The following GALNT17 variants were observed in gnomAD, a reference collection of about 807,000 sequenced individuals.
GALNT17 encodes UDP-GalNAc:polypeptide N-acetylgalactosaminyltransferase-like 3.
A neutral mutation model predicts 63.7 loss-of-function variants in GALNT17; 29 were observed. The observed-to-expected ratio is 0.46, with a 90% CI of 0.34 to 0.62. The LOEUF (loss-of-function observed/expected upper bound fraction) is 0.62, where lower values mean the gene tolerates loss of function less well. Ranked by LOEUF, GALNT17 falls within the 20% of genes least tolerant of loss-of-function variation. GALNT17 has a pLI of 0.01. For synonymous variants in GALNT17, 305 were observed against 318.3 expected, an observed-to-expected ratio of 0.96 and a Z score of 0.45; for missense variants, 603 against 799.6, an observed-to-expected ratio of 0.75 and a Z score of 2.97.
chr7:71,679,898 CTCCCTCCCTCCCTCCT>C (rs1485316706), intron 9 of GALNT17, among the ~76,000 whole-genome samples: 64 of 88,476 alleles, frequency 7.2e-4, no homozygotes, highest in African/African-American at 2.7e-3. Flanking sequence ...CCCTCCCTCC[CTCCCTCCCTCCCTCCT>C]TCTCTCCCTT....
chr7:71,261,105 A>G (rs1015875164), intron 1 of GALNT17, among the ~76,000 whole-genome samples: 2 of 152,170 alleles, frequency 1.3e-5, no homozygotes, highest in Non-Finnish European at 2.9e-5. Flanking sequence ...TGCTCAGGCT[A>G]TACTCCGATG....
At chr7:71,236,969 G>C (rs1354024704) in intron 1 of GALNT17, among the ~76,000 whole-genome samples, 1 of 152,180 alleles carries the variant, frequency 6.6e-6, no homozygotes, top group African/African-American at 2.4e-5. Context: ...CTTTGTCTTG[G>C]TTTGTTACTG....
intron 9 of GALNT17, among the ~76,000 whole-genome samples, chr7:71,681,062 A>G (rs1473081764): frequency 1.3e-5 from 2 of 151,564 alleles, no homozygotes; most frequent in Non-Finnish European, 2.9e-5. Flanking sequence ...ACCATGTTCC[A>G]CTCAATTTTC....
At chr7:71,162,122 TC>T in intron 1 of GALNT17, among the ~76,000 whole-genome samples, 1 of 108,474 alleles carries the variant, frequency 9.2e-6, no homozygotes, top group African/African-American at 3.6e-5. Flanking sequence ...CCTCCCTCCC[TC>T]CCTTCCTTCC....
chr7:71,230,503 G>C (rs1424647772), intron 1 of GALNT17, among the ~76,000 whole-genome samples: 1 of 151,810 alleles, frequency 6.6e-6, no homozygotes, highest in African/African-American at 2.4e-5. Flanking sequence ...CCTGCCACCA[G>C]CCGACTTTCC....
intron 5 of GALNT17, among the ~76,000 whole-genome samples, chr7:71,491,053 G>A (rs1341413773): frequency 6.6e-6 from 1 of 152,048 alleles, no homozygotes; most frequent in Non-Finnish European, 1.5e-5. Context: ...AATTAGCCGG[G>A]TAGGGTGGCA....
intron 8 of GALNT17, 111 bp from the exon 9 acceptor site, chr7:71,677,099 CG>C: frequency 2.0e-6 from 2 of 1,021,168 alleles, no homozygotes; most frequent in East Asian, 4.8e-5. Flanking sequence ...CTTAGAGGCT[CG>C]TGTTGTCTTC....
chr7:71,614,688 G>C (rs1414745921), intron 6 of GALNT17, among the ~76,000 whole-genome samples: 3 of 151,098 alleles, frequency 2.0e-5, no homozygotes, highest in Non-Finnish European at 4.4e-5. Flanking sequence ...ATGGAAGGAA[G>C]GGAGGGAGGG....
Position 71,502,862 on chromosome 7 carries a change from G to A in GALNT17, c.963-68423G>A, listed in dbSNP as rs571683237. On this transcript the variant is annotated intron_variant, in intron 5 of 10. Transcript: ENST00000333538. ...ATGTGTTCCACAGCATGAAGTTGCC[G>A]AAACAGCCTCTGACTTCACCCCAGG... Among the ~76,000 whole-genome samples the A allele has an allele frequency of 6.4e-4, 98 of 152,230 alleles. 3 individuals carry two copies. Among genetic ancestry groups the A allele is most frequent in the Non-Finnish European group, 5.9e-5 (4 of 68,010 alleles).
At chr7:71,337,585 G>C (rs1791931126) in intron 2 of GALNT17, among the ~76,000 whole-genome samples, 1 of 152,058 alleles carries the variant, frequency 6.6e-6, no homozygotes, top group South Asian at 2.1e-4. Flanking sequence ...AAAGCGTGAG[G>C]CTGGCAGGGC....
intron 5 of GALNT17, among the ~76,000 whole-genome samples, chr7:71,505,815 A>G (rs1304783405): frequency 6.6e-6 from 1 of 152,212 alleles, no homozygotes; most frequent in Non-Finnish European, 1.5e-5. Context: ...GAACTTATTT[A>G]AAAAGGTGAG....
intron 5 of GALNT17, among the ~76,000 whole-genome samples, chr7:71,479,907 G>A (rs1222707632): frequency 6.6e-6 from 1 of 152,166 alleles, no homozygotes. Context: ...CTTCTTCTGT[G>A]ATCATGGCCA....
intron 9 of GALNT17, among the ~76,000 whole-genome samples, chr7:71,698,672 C>G (rs1338408794): frequency 6.6e-6 from 1 of 151,788 alleles, no homozygotes; most frequent in African/African-American, 2.4e-5. Flanking sequence ...GCAACTAATC[C>G]AAGCAAAGGC....
At chr7:71,182,208 A>G (rs1364185657) in intron 1 of GALNT17, among the ~76,000 whole-genome samples, 1 of 152,218 alleles carries the variant, frequency 6.6e-6, no homozygotes, top group Non-Finnish European at 1.5e-5. Context: ...GAGAATCACT[A>G]GTTGGCACTT....
intron 1 of GALNT17, among the ~76,000 whole-genome samples, chr7:71,277,393 T>G (rs1030818174): frequency 6.6e-6 from 1 of 152,182 alleles, no homozygotes; most frequent in Non-Finnish European, 1.5e-5. Context: ...GGATACAGCA[T>G]TCACTATTTG....
At chr7:71,581,066 A>G (rs988992727) in intron 6 of GALNT17, among the ~76,000 whole-genome samples, 1 of 152,178 alleles carries the variant, frequency 6.6e-6, no homozygotes, top group African/African-American at 2.4e-5. Flanking sequence ...GAAACGTACA[A>G]TCATGGTGGA....
chr7:71,701,898 C>CAT (rs200402254), intron 9 of GALNT17, among the ~76,000 whole-genome samples: 1 of 101,468 alleles, frequency 9.9e-6, no homozygotes, highest in South Asian at 3.3e-4. Flanking sequence ...TATATATACA[C>CAT]ATATATATAT....
chr7:71,284,791 G>T (rs1460018038), intron 1 of GALNT17, among the ~76,000 whole-genome samples: 1 of 152,048 alleles, frequency 6.6e-6, no homozygotes, highest in African/African-American at 2.4e-5. Context: ...TCTCTTCTAT[G>T]TAACTGCTGT....
At chr7:71,180,134 CT>C (rs151023297) in intron 1 of GALNT17, among the ~76,000 whole-genome samples, 4,339 of 151,274 alleles carry the variant, frequency 0.029, 210 homozygotes, top group African/African-American at 0.098. Flanking sequence ...TTTTTTCTTA[CT>C]TTTTTTTTGA....
Sources: allele counts gnomAD v4.1 joint callset (sites outside exome capture counted in the v4.1 genomes callset), GRCh38; gene constraint gnomAD v4.1.1; transcripts MANE v1.5; gene names NCBI Gene and HGNC (gene_info 2026-07-23, HGNC 2026-07-21).